The following MIER2 variants were observed in gnomAD, a reference collection of about 807,000 sequenced individuals.
The protein encoded by MIER2 is mesoderm induction early response protein 2.
In MIER2, 30 loss-of-function variants were observed where a neutral mutation model predicts 67.6. The ratio of observed to expected loss-of-function variants is 0.44; its 90% CI spans 0.33 to 0.60. The LOEUF (loss-of-function observed/expected upper bound fraction) is 0.60. Ranked by LOEUF, MIER2 falls within the 20% of genes least tolerant of loss-of-function variation. MIER2 has a pLI of 0.02. For missense variants in MIER2, 702 were observed against 745.1 expected, an observed-to-expected ratio of 0.94 and a Z score of 0.67; for synonymous variants, 372 against 312.6, an observed-to-expected ratio of 1.19 and a Z score of -2.00.
At chr19:311,973 G>A (rs377634330) in intron 9 of MIER2, 34 bp from the exon 10 acceptor site, 1 of 1,594,500 alleles carries the variant, frequency 6.3e-7, no homozygotes, top group Non-Finnish European at 8.6e-7. Context: ...GGTCAGTGGT[G>A]CCCAGGGCGG....
intron 2 of MIER2, among the ~76,000 whole-genome samples, chr19:335,870 G>C (rs890060462): frequency 6.6e-6 from 1 of 152,142 alleles, no homozygotes; most frequent in South Asian, 2.1e-4. Context: ...GTCTTGGGTC[G>C]CCTGGGCTCC....
chr19:330,719 C>T (rs1410041695), intron 3 of MIER2, among the ~76,000 whole-genome samples: 1 of 152,030 alleles, frequency 6.6e-6, no homozygotes, highest in African/African-American at 2.4e-5. Context: ...GGATTAGTGT[C>T]CTTTCAAGAA....
chr19:310,133 C>G (rs1398228328), intron 10 of MIER2, among the ~76,000 whole-genome samples: 1 of 152,202 alleles, frequency 6.6e-6, no homozygotes, highest in African/African-American at 2.4e-5. Flanking sequence ...TGGGCGCACA[C>G]CTGGCAACAC....
At chr19:326,343 G>T (rs1971745826) in intron 6 of MIER2, among the ~76,000 whole-genome samples, 164 bp downstream of exon 6, 1 of 151,822 alleles carries the variant, frequency 6.6e-6, no homozygotes, top group Non-Finnish European at 1.5e-5. Flanking sequence ...CCAGGTTGGG[G>T]ACACGGCAGA....
rs373007526 is a variant in MIER2 at position 308,615 on chromosome 19, G to A, written c.1160C>T (p.Pro387Leu). Residue 387 changes from proline to leucine, a missense_variant, in exon 12 of 14, where the codon CCG becomes CTG. By Grantham distance (98) the Pro-to-Leu change is moderately conservative (BLOSUM62 -3). This residue lies in a region of MIER2 where 254 missense variants were observed against 262.8 expected (regional missense o/e 0.97). Transcript: ENST00000264819. The surrounding 1 kb of genome is among the most constrained non-coding windows in gnomAD (Gnocchi z 9.1). ...AGTCAGGGTGTCTTGCTCCGGGCGC[G>A]GACGGCCGGGGCCATCGGGGTCGCT... ...DGSDPDGPGR[P>L]RPEQDTLTGM... 64 of 1,606,960 alleles carry A rather than the reference G, an allele frequency of 4.0e-5. No individual in the cohort carries two copies. Among genetic ancestry groups the A allele is most frequent in the Middle Eastern group, 1.8e-4 (1 of 5,562 alleles).
intron 7 of MIER2, among the ~76,000 whole-genome samples, chr19:323,302 G>C (rs1971580145): frequency 6.8e-6 from 1 of 146,706 alleles, no homozygotes; most frequent in East Asian, 1.9e-4. Flanking sequence ...GGACCACAAC[G>C]CAATACACAA....
Position 313,589 on chromosome 19 carries a change from T to A in MIER2, c.710A>T (p.Glu237Val). The change falls in exon 8 of 14, where the codon GAG (glutamate) becomes GTG (valine). Residue 237 changes from glutamate (E) to valine (V), a missense_variant. Physicochemically the swap from Glu to Val is moderately radical, Grantham distance 121. Transcript: ENST00000264819. ...LWDPSVLPER[E>V]VEEFLYRAVK... ...CGCCCTGTACAGGAACTCCTCCACC[T>A]CCCTCTCAGGGAGGACGCTGGGGTC... is the stretch of plus-strand genomic sequence containing the variant. 2.5e-6 allele frequency: 4 copies of A among 1,613,212 alleles called. No individual in the cohort carries two copies. Among genetic ancestry groups the A allele is most frequent in the Non-Finnish European group, 2.5e-6 (3 of 1,179,914 alleles).
intron 3 of MIER2, among the ~76,000 whole-genome samples, chr19:332,446 C>T (rs576693507): frequency 3.3e-5 from 5 of 151,790 alleles, no homozygotes; most frequent in South Asian, 2.1e-4. Context: ...GGATTACAGG[C>T]GCCTGCTACC....
intron 7 of MIER2, among the ~76,000 whole-genome samples, chr19:317,420 A>G (rs926843125): frequency 9.1e-5 from 13 of 142,216 alleles, no homozygotes; most frequent in Admixed American, 2.1e-4. Context: ...CCAGCTACTC[A>G]GGAGGCTGAA....
At chr19:309,174 C>T (rs1433138470) in intron 10 of MIER2, among the ~76,000 whole-genome samples, 1 of 152,136 alleles carries the variant, frequency 6.6e-6, no homozygotes, top group Non-Finnish European at 1.5e-5. Flanking sequence ...CCCTCCAGCT[C>T]CTGGCTTGAG....
chr19:319,489 C>T (rs1363749988), intron 7 of MIER2, among the ~76,000 whole-genome samples: 2 of 152,216 alleles, frequency 1.3e-5, no homozygotes, highest in African/African-American at 2.4e-5. Context: ...GACGGAGTCT[C>T]GCTCTGTCAC....
In MIER2 at chr19:307,421, G is replaced by T; in HGVS notation, c.1314C>A (p.Pro438=). ...PCSFQQLDES[P]AVPLSHRPPA... is the part of the protein sequence containing the mutation. ...GGGGCCGATGGGACAGGGGTACAGCGGGGGACTCATCCAGCTGCTGGAAGG... is the reference window on the plus strand; with the variant it reads ...GGGGCCGATGGGACAGGGGTACAGCTGGGGACTCATCCAGCTGCTGGAAGG... The change falls in exon 13 of 14, where the codon CCC becomes CCA. Residue 438 remains proline (P), a synonymous_variant. Transcript: ENST00000264819. 6.3e-7 allele frequency: 1 copy of T among 1,599,800 alleles called. No homozygotes were observed. The highest frequency in any genetic ancestry group is 8.5e-7 in the Non-Finnish European group (1 of 1,173,782).
intron 10 of MIER2, 26 bp downstream of exon 10, chr19:311,819 G>C: frequency 6.2e-7 from 1 of 1,612,476 alleles, no homozygotes. Context: ...GAAGCCCCCG[G>C]TGGAGCCTGG....
At chr19:311,806 C>G (rs777147598) in intron 10 of MIER2, 39 bp downstream of exon 10, 6 of 1,606,082 alleles carry the variant, frequency 3.7e-6, no homozygotes, top group African/African-American at 2.7e-5. Context: ...CTCCCCAGAT[C>G]GAGAAGCCCC....
intron 1 of MIER2, chr19:344,284 G>A (rs1023378572): frequency 2.0e-6 from 2 of 985,088 alleles, no homozygotes; most frequent in Non-Finnish European, 2.4e-6. Context: ...GGGGCTCGCG[G>A]GCGGCGGAGG....
Position 307,383 on chromosome 19 carries a change from T to A in MIER2, c.1352A>T (p.Asp451Val). 1 of 1,606,616 alleles carries A rather than the reference T, an allele frequency of 6.2e-7. No individual in the cohort carries two copies. Among genetic ancestry groups the A allele is most frequent in the Non-Finnish European group, 8.5e-7 (1 of 1,177,796 alleles). The change falls in exon 13 of 14, where the codon GAC becomes GTC. Residue 451 changes from aspartate to valine, a missense_variant. Around this residue, in one of 3 missense-constraint regions of MIER2, gnomAD observed 254 missense variants for 262.8 expected, o/e 0.97. Coordinates refer to ENST00000264819, the MANE Select transcript of MIER2 (RefSeq NM_017550.3). ...PLSHRPPALA[D>V]PASYQPAVTA... ...GACAGCTGGCTGGTATGAGGCTGGGTCGGCCAGGGCTGGGGGCCGATGGGA... is the reference window on the plus strand; with the variant it reads ...GACAGCTGGCTGGTATGAGGCTGGGACGGCCAGGGCTGGGGGCCGATGGGA...
intron 7 of MIER2, 99 bp downstream of exon 7, chr19:325,536 G>T: frequency 7.2e-7 from 1 of 1,380,352 alleles, no homozygotes; most frequent in Non-Finnish European, 1.0e-6. Context: ...GAGCGATGCG[G>T]GGCGGGGACC....
intron 7 of MIER2, among the ~76,000 whole-genome samples, chr19:314,377 G>A (rs562005657): frequency 6.6e-6 from 1 of 152,356 alleles, no homozygotes; most frequent in East Asian, 1.9e-4. Flanking sequence ...TGGGGACAAG[G>A]CAGGGGAGAG....
chr19:309,444 C>T (rs187098266), intron 10 of MIER2, among the ~76,000 whole-genome samples: 1 of 152,108 alleles, frequency 6.6e-6, no homozygotes, highest in South Asian at 2.1e-4. Context: ...CAGGGCCCAG[C>T]GAATGCTTCC....
Sources: gnomAD v4.1 joint callset for allele counts (sites outside exome capture counted in the v4.1 genomes callset) on GRCh38, gnomAD v4.1.1 for gene constraint, gnomAD v4.1.1 regional missense constraint, Gnocchi (gnomAD v3.1) non-coding constraint, MANE v1.5 for transcripts, NCBI Gene and HGNC (gene_info 2026-07-23, HGNC 2026-07-21) for gene names.